Variants in PIWIL2 observed in about 807,000 individuals in gnomAD.
The protein encoded by PIWIL2 is piwi-like protein 2.
Under a neutral mutation model 116.5 loss-of-function variants are expected in PIWIL2, and 81 were observed. The ratio of observed to expected loss-of-function variants is 0.70; its 90% CI spans 0.58 to 0.84. The LOEUF is 0.84. Among genes scored for constraint, PIWIL2 ranks in the 40% least tolerant of loss-of-function variants. PIWIL2 has a pLI of 0.00. For missense variants in PIWIL2, 1,272 were observed against 1,212.3 expected (o/e 1.05, Z -0.73); for synonymous variants, 489 against 429.5 (o/e 1.14, Z -1.71).
At position 22,304,359 on chromosome 8, in the gene PIWIL2, T is replaced by C. The variant is rs1432859995; in HGVS notation, c.1370+150T>C. The C allele has an allele frequency of 8.6e-6, 5 of 581,832 alleles. No homozygotes were observed. The Admixed American group carries it at 1.2e-4, about 14-fold the overall frequency. The allele number at this position is 581,832 out of a possible 1,614,324, so 36.0% of individuals were successfully genotyped here. On this transcript the variant is annotated intron_variant, in intron 11 of 22. Transcript: ENST00000356766. ...TGTGTCTAACACTGAATGAGCTTGT[T>C]TGTGGGATTTGACTTGAGTATGCTA... is the stretch of plus-strand genomic sequence containing the variant.
chr8:22,334,538 G>A (rs1019149631), intron 20 of PIWIL2, among the ~76,000 whole-genome samples: 8 of 148,588 alleles, frequency 5.4e-5, no homozygotes, highest in African/African-American at 2.0e-4. Flanking sequence ...AAAAAGAAAA[G>A]AAAATACAAA....
intron 10 of PIWIL2, among the ~76,000 whole-genome samples, chr8:22,297,031 C>T (rs1232798238): frequency 6.6e-6 from 1 of 151,778 alleles, no homozygotes; most frequent in Non-Finnish European, 1.5e-5. Context: ...CTTGGTTACC[C>T]CAGTTGGAGT....
chr8:22,309,616 G>A (rs1831276769), intron 14 of PIWIL2, among the ~76,000 whole-genome samples: 3 of 152,258 alleles, frequency 2.0e-5, no homozygotes, highest in Admixed American at 1.3e-4. Flanking sequence ...TGGGATTACA[G>A]GCGTGAGCCA....
intron 20 of PIWIL2, among the ~76,000 whole-genome samples, chr8:22,330,737 TAAATAAAA>T (rs1318232429): frequency 3.5e-5 from 5 of 141,896 alleles, no homozygotes; most frequent in Admixed American, 2.0e-4. Context: ...AATAAATAAA[TAAATAAAA>T]ATAGTTGATA....
intron 20 of PIWIL2, among the ~76,000 whole-genome samples, chr8:22,345,999 A>G (rs1028394249): frequency 6.6e-6 from 1 of 152,152 alleles, no homozygotes; most frequent in African/African-American, 2.4e-5. Context: ...ATGTTCTAAA[A>G]TTAGATAGTG....
intron 14 of PIWIL2, among the ~76,000 whole-genome samples, chr8:22,309,018 A>G (rs1456550056): frequency 2.0e-5 from 3 of 150,500 alleles, no homozygotes; most frequent in Non-Finnish European, 3.0e-5. Context: ...CTGGAGTGTA[A>G]TGGCGCAATC....
rs531253888 is a variant in PIWIL2, at chr8:22,308,933, G to A, written c.1686+860G>A. Among the ~76,000 whole-genome samples, 37 of 151,556 alleles carry A rather than the reference G, an allele frequency of 2.4e-4. No individual in the cohort carries two copies. In the South Asian group the frequency reaches 7.8e-3, roughly 32 times the overall value. On this transcript the variant is annotated intron_variant, in intron 14 of 22. Coordinates refer to ENST00000356766, the MANE Select transcript of PIWIL2 (RefSeq NM_018068.5). ...CCCAAAGTGTTAGGAGTACAGGTGT[G>A]AGCCACCACGCTAGCCCTTGTTTAT...
At position 22,304,866 on chromosome 8, in the gene PIWIL2, A is replaced by G; in HGVS notation, c.1453A>G (p.Met485Val). 6.3e-7 allele frequency: 1 copy of G among 1,593,598 alleles called. No individual in the cohort carries two copies. The highest frequency in any genetic ancestry group is 8.6e-7 in the Non-Finnish European group (1 of 1,161,358). The change falls in exon 12 of 23, where the codon ATG becomes GTG. Residue 485 changes from methionine to valine, a missense_variant and splice_region_variant. Coordinates refer to ENST00000356766, the MANE Select transcript of PIWIL2 (RefSeq NM_018068.5). ...RPSERQDNHG[M>V]LLKGEILLLP... ...CAGTGAGAGACAGGATAATCATGGG[A>G]TGGTGAGTAGGGCTGTCAGGCTTAC...
At chr8:22,327,843 T>C (rs550558746) in intron 20 of PIWIL2, among the ~76,000 whole-genome samples, 1 of 152,352 alleles carries the variant, frequency 6.6e-6, no homozygotes, top group South Asian at 2.1e-4. Context: ...TTTAAAATAT[T>C]CTGGAAACTA....
chr8:22,298,699 A>G (rs918577128), intron 10 of PIWIL2, among the ~76,000 whole-genome samples: 3 of 152,188 alleles, frequency 2.0e-5, no homozygotes, highest in Non-Finnish European at 2.9e-5. Flanking sequence ...ATCGGAAATA[A>G]AAATAAAGCT....
intron 20 of PIWIL2, among the ~76,000 whole-genome samples, chr8:22,318,876 A>G (rs1563396357): frequency 6.6e-6 from 1 of 152,226 alleles, no homozygotes; most frequent in Non-Finnish European, 1.5e-5. Context: ...TTATCGGGGA[A>G]GTTGGGGATA....
At chr8:22,335,769 G>C (rs183345965) in intron 20 of PIWIL2, among the ~76,000 whole-genome samples, 411 of 152,160 alleles carry the variant, frequency 2.7e-3, no homozygotes, top group African/African-American at 8.6e-3. Flanking sequence ...ATGTTGGCCA[G>C]GCTAGTCTGG....
At chr8:22,351,530 T>C (rs577161233) in intron 20 of PIWIL2, among the ~76,000 whole-genome samples, 1 of 135,280 alleles carries the variant, frequency 7.4e-6, no homozygotes, top group Non-Finnish European at 1.6e-5. Flanking sequence ...TTGGTGTTTT[T>C]TTTTTGTTTT....
intron 10 of PIWIL2, among the ~76,000 whole-genome samples, chr8:22,292,120 G>A (rs956052609): frequency 6.6e-6 from 1 of 152,180 alleles, no homozygotes; most frequent in Non-Finnish European, 1.5e-5. Context: ...CACATGCAGG[G>A]TGGCTAGAGC....
intron 20 of PIWIL2, chr8:22,352,727 T>C: frequency 2.2e-6 from 1 of 458,974 alleles, no homozygotes; most frequent in Non-Finnish European, 3.9e-6. Flanking sequence ...TTGCATGTTT[T>C]GCTTTCATGT....
At chr8:22,325,076 C>CT (rs1217238960) in intron 20 of PIWIL2, among the ~76,000 whole-genome samples, 4 of 152,166 alleles carry the variant, frequency 2.6e-5, no homozygotes, top group Admixed American at 6.5e-5. Flanking sequence ...CTTCTGGCAC[C>CT]TACAGTGTAG....
chr8:22,325,294 G>A (rs1351712459), intron 20 of PIWIL2, among the ~76,000 whole-genome samples: 2 of 152,060 alleles, frequency 1.3e-5, no homozygotes, highest in South Asian at 2.1e-4. Context: ...TTGAGTGTGA[G>A]CACACACTCC....
intron 3 of PIWIL2, 55 bp from the exon 4 acceptor site, chr8:22,281,322 A>G: frequency 6.4e-7 from 1 of 1,571,280 alleles, no homozygotes; most frequent in South Asian, 1.2e-5. Context: ...AAAAAACTAT[A>G]CTTTAAAACA....
chr8:22,315,338 C>T (rs549613285), intron 18 of PIWIL2, among the ~76,000 whole-genome samples, 193 bp downstream of exon 18: 28 of 152,220 alleles, frequency 1.8e-4, no homozygotes, highest in African/African-American at 6.3e-4. Context: ...GTTTTTGAGA[C>T]GGATTCTTGT....
Sources: allele counts gnomAD v4.1 joint callset (sites outside exome capture counted in the v4.1 genomes callset), GRCh38; gene constraint gnomAD v4.1.1; transcripts MANE v1.5; gene names NCBI Gene and HGNC (gene_info 2026-07-23, HGNC 2026-07-21).